Variants in LRMDA observed in about 807,000 individuals in gnomAD.
LRMDA encodes leucine-rich melanocyte differentiation-associated protein.
LRMDA carries 18 observed loss-of-function variants against 29.8 expected under a neutral mutation model. That is an observed-to-expected ratio of 0.60 (90% CI 0.42 to 0.90). The LOEUF is 0.90. LRMDA is among the 40% of genes least tolerant of loss of function. The pLI, the probability that LRMDA is intolerant of heterozygous loss-of-function variation, is 0.00. For synonymous variants in LRMDA, 125 were observed against 109.4 expected (o/e 1.14, Z -0.89); for missense variants, 273 against 273.9 (o/e 1.00, Z 0.02).
At chr10:75,912,178 C>A (rs755070428) in intron 2 of LRMDA, among the ~76,000 whole-genome samples, 3 of 152,156 alleles carry the variant, frequency 2.0e-5, no homozygotes, top group Non-Finnish European at 4.4e-5. Context: ...CATTTCCCCC[C>A]CTTCCCTTTC....
At chr10:76,420,703 AT>A (rs1012767279) in intron 6 of LRMDA, among the ~76,000 whole-genome samples, 3 of 151,916 alleles carry the variant, frequency 2.0e-5, no homozygotes, top group Non-Finnish European at 2.9e-5. Flanking sequence ...TGTATCCTAC[AT>A]TTTTTTATGA....
intron 6 of LRMDA, among the ~76,000 whole-genome samples, chr10:76,458,163 T>C (rs1159458697): frequency 3.0e-5 from 2 of 66,442 alleles, no homozygotes; most frequent in Non-Finnish European, 8.7e-5. Flanking sequence ...TTAAAAAAAA[T>C]TTGGCCTGTT....
At chr10:75,955,323 A>C (rs2086883319) in intron 2 of LRMDA, among the ~76,000 whole-genome samples, 1 of 152,202 alleles carries the variant, frequency 6.6e-6, no homozygotes, top group Non-Finnish European at 1.5e-5. Flanking sequence ...CATGTGTCCC[A>C]GCCTCCATGC....
At chr10:76,034,625 G>A in intron 2 of LRMDA, among the ~76,000 whole-genome samples, 1 of 152,148 alleles carries the variant, frequency 6.6e-6, no homozygotes, top group East Asian at 1.9e-4. Flanking sequence ...AGTCCTCTTG[G>A]CAGCGATCCC....
rs1843101958 is a variant in LRMDA at position 75,761,882 on chromosome 10, C to T, written c.132-274126C>T. Among the ~76,000 whole-genome samples, 4 of 150,876 alleles carry T rather than the reference C, an allele frequency of 2.7e-5. No individual in the cohort carries two copies. In the South Asian group the frequency reaches 8.4e-4, roughly 32 times the overall value. ...GCAGTGGTATCTTGGCTCACTGCCA[C>T]CTCTGCATCCCAGGCTCAAGTGATC... On this transcript the variant is annotated intron_variant, in intron 2 of 6. Transcript: ENST00000611255.
intron 2 of LRMDA, among the ~76,000 whole-genome samples, chr10:75,712,004 G>A (rs1342368456): frequency 1.3e-5 from 2 of 151,852 alleles, no homozygotes; most frequent in Non-Finnish European, 2.9e-5. Context: ...CTTAGCTGGC[G>A]ATGAAATTGC....
At chr10:76,197,904 A>G (rs1022649767) in intron 5 of LRMDA, among the ~76,000 whole-genome samples, 2 of 151,730 alleles carry the variant, frequency 1.3e-5, no homozygotes, top group African/African-American at 4.8e-5. Context: ...TGGGCAACAG[A>G]GAGATACTCC....
At chr10:75,630,739 T>C (rs982490053) in intron 2 of LRMDA, among the ~76,000 whole-genome samples, 1 of 152,246 alleles carries the variant, frequency 6.6e-6, no homozygotes, top group African/African-American at 2.4e-5. Flanking sequence ...CATTTAATGA[T>C]TGGCAGTCTT....
intron 5 of LRMDA, among the ~76,000 whole-genome samples, chr10:76,176,257 A>G (rs927818817): frequency 6.6e-6 from 1 of 152,192 alleles, no homozygotes; most frequent in Non-Finnish European, 1.5e-5. Flanking sequence ...TCCGGCGTCT[A>G]TCAAAAGGGG....
chr10:76,489,099 T>C (rs1423990224), intron 6 of LRMDA, among the ~76,000 whole-genome samples: 2 of 151,910 alleles, frequency 1.3e-5, no homozygotes, highest in East Asian at 3.9e-4. Flanking sequence ...TTGGTATTTC[T>C]TCTTTAAATA....
chr10:75,903,517 C>T lies in LRMDA; in HGVS notation c.132-132491C>T, dbSNP rs147023293. Among the ~76,000 whole-genome samples the T allele has an allele frequency of 2.8e-4, 42 of 152,304 alleles. No homozygotes were observed. In the East Asian group the frequency reaches 2.9e-3, roughly 10 times the overall value. ...GGATAAATTACCACATTACTGCCTG[C>T]GTTTTAGGGCTAAAGCCATTCCCCG... On this transcript the variant is annotated intron_variant, in intron 2 of 6. Coordinates refer to ENST00000611255, the MANE Select transcript of LRMDA (RefSeq NM_001305581.2).
chr10:75,934,731 C>G (rs916410080), intron 2 of LRMDA, among the ~76,000 whole-genome samples: 1 of 152,138 alleles, frequency 6.6e-6, no homozygotes, highest in Middle Eastern at 3.2e-3. Flanking sequence ...GTTTCCTGTT[C>G]ATCTGGGAAT....
intron 2 of LRMDA, among the ~76,000 whole-genome samples, chr10:75,951,370 T>C (rs1846571261): frequency 6.6e-6 from 1 of 152,152 alleles, no homozygotes; most frequent in Non-Finnish European, 1.5e-5. Context: ...GCCGACTTCC[T>C]GGAGGAGGTG....
At chr10:76,041,452 TA>T (rs746008330) in intron 3 of LRMDA, among the ~76,000 whole-genome samples, 1 of 152,260 alleles carries the variant, frequency 6.6e-6, no homozygotes, top group Admixed American at 6.5e-5. Context: ...TTCAGCATGA[TA>T]AATTTCTGAC....
chr10:75,920,532 C>T (rs1846009669), intron 2 of LRMDA, among the ~76,000 whole-genome samples: 1 of 152,294 alleles, frequency 6.6e-6, no homozygotes, highest in Middle Eastern at 3.4e-3. Flanking sequence ...CTTGCTATAA[C>T]TTATCCAATC....
chr10:76,547,168 A>G (rs1370190266), intron 6 of LRMDA, among the ~76,000 whole-genome samples: 3 of 152,100 alleles, frequency 2.0e-5, no homozygotes, highest in South Asian at 2.1e-4. Context: ...TTGAACTTTC[A>G]TGGTAAAAAT....
At chr10:75,698,706 G>C (rs1214282836) in intron 2 of LRMDA, among the ~76,000 whole-genome samples, 1 of 150,220 alleles carries the variant, frequency 6.7e-6, no homozygotes, top group African/African-American at 2.5e-5. Context: ...TTTTATTACA[G>C]TTTCTGGCTA....
intron 6 of LRMDA, chr10:76,346,698 G>A (rs926599534): frequency 1.3e-5 from 2 of 152,030 alleles, no homozygotes; most frequent in South Asian, 2.1e-4. Flanking sequence ...CATTTAATCC[G>A]GGAAACATCT....
chr10:75,679,642 A>G (rs1415222650), intron 2 of LRMDA, among the ~76,000 whole-genome samples: 1 of 152,220 alleles, frequency 6.6e-6, no homozygotes, highest in African/African-American at 2.4e-5. Flanking sequence ...TAACATTGTC[A>G]TAAACATCCT....
Sources: allele counts gnomAD v4.1 joint callset (sites outside exome capture counted in the v4.1 genomes callset), GRCh38; gene constraint gnomAD v4.1.1; transcripts MANE v1.5; gene names NCBI Gene and HGNC (gene_info 2026-07-23, HGNC 2026-07-21).